GASK1A: variants seen among roughly 807,000 people sequenced by gnomAD.
GASK1A encodes golgi associated kinase 1A.
In GASK1A, 40 loss-of-function variants were observed where a neutral mutation model predicts 41.2. The observed-to-expected ratio is 0.97, with a 90% CI of 0.75 to 1.27. The LOEUF (loss-of-function observed/expected upper bound fraction) is 1.27, where lower values mean the gene tolerates loss of function less well. GASK1A is among the 50% of genes most tolerant of loss of function. The pLI, the probability that GASK1A is intolerant of heterozygous loss-of-function variation, is 0.00. For missense variants in GASK1A, 678 were observed against 745.1 expected (o/e 0.91, Z 1.05); for synonymous variants, 316 against 307.1 (o/e 1.03, Z -0.30).
intron 1 of GASK1A, among the ~76,000 whole-genome samples, chr3:43,008,733 T>C (rs949132497): frequency 2.6e-5 from 4 of 152,184 alleles, no homozygotes; most frequent in African/African-American, 9.7e-5. Flanking sequence ...TCAACTGCAC[T>C]TAGGAGCAGC....
rs1273152175 is a variant in GASK1A at position 42,984,171 on chromosome 3, AT to A, written c.3+4530del. Reference sequence around the variant, plus strand: ...TAGGGAGTTTAGGGCGTGATCCCTCATTTTCTGGATGTGTCTGCACAGGCCT... The same window carrying A: ...TAGGGAGTTTAGGGCGTGATCCCTCATTTCTGGATGTGTCTGCACAGGCCT... On this transcript the variant is annotated intron_variant, in intron 1 of 4. Transcript: ENST00000430121. The surrounding 1 kb of genome is among the most constrained non-coding windows in gnomAD (Gnocchi z 4.2). 6.6e-6 allele frequency among the ~76,000 whole-genome samples: 1 copy of A among 151,462 alleles called. No individual in the cohort carries two copies. The highest frequency in any genetic ancestry group is 1.5e-5 in the Non-Finnish European group (1 of 67,888).
rs756517681 is a variant in GASK1A, at chr3:43,033,250, C to T, written c.987C>T (p.Val329=). The T allele has an allele frequency of 1.3e-6, 2 of 1,551,736 alleles. No individual in the cohort carries two copies. The highest frequency in any genetic ancestry group is 1.2e-5 in the South Asian group (1 of 84,064). ...AGAGGCCTGGGGACCTGCCTGAGGT[C>T]CTGTCCTTCCACGTAGATCGTGTGC... The part of the protein sequence containing the change: ...LIKRPGDLPE[V]LSFHVDRVLG... The change falls in exon 2 of 5, where the codon GTC becomes GTT. Residue 329 remains valine, a synonymous_variant. Coordinates refer to ENST00000430121, the MANE Select transcript of GASK1A (RefSeq NM_001129908.3).
chr3:43,038,579 C>T (rs578102525), intron 2 of GASK1A, among the ~76,000 whole-genome samples: 39 of 126,086 alleles, frequency 3.1e-4, no homozygotes, highest in Admixed American at 2.7e-3. Context: ...TGAAATTCTG[C>T]GAAAAAAAAC....
chr3:43,005,586 A>C (rs1346721850), intron 1 of GASK1A, among the ~76,000 whole-genome samples: 1 of 152,174 alleles, frequency 6.6e-6, no homozygotes, highest in Non-Finnish European at 1.5e-5. Context: ...ATTTTACTTC[A>C]TCATGGCCCA....
At position 43,032,555 on chromosome 3, in the gene GASK1A, A is replaced by AG. The variant is rs1421222902; in HGVS notation, c.293dup (p.Ala99SerfsTer44). On this transcript the variant is annotated frameshift_variant, in exon 2 of 5. Transcript: ENST00000430121. LOFTEE classifies it high-confidence loss of function. The stretch of plus-strand genomic sequence containing the variant: ...GGTCTGTGCTGAGGAGCAAGGCCAT[A>AG]GAGCAAGAGTGGACAGAAGCAGGGA... The AG allele has an allele frequency of 5.2e-5, 80 of 1,549,290 alleles. No homozygotes were observed. Among genetic ancestry groups the AG allele is most frequent in the Non-Finnish European group, 6.6e-5 (76 of 1,145,058 alleles).
chr3:43,018,135 C>G (rs1317361904), intron 1 of GASK1A, among the ~76,000 whole-genome samples: 1 of 152,156 alleles, frequency 6.6e-6, no homozygotes. Context: ...AGATTTCTTC[C>G]CCATGCTTAG....
At chr3:42,996,518 T>C (rs1167952470) in intron 1 of GASK1A, among the ~76,000 whole-genome samples, 1 of 152,180 alleles carries the variant, frequency 6.6e-6, no homozygotes, top group Non-Finnish European at 1.5e-5. Flanking sequence ...TGGACCACCC[T>C]ATGAAGGAGG....
intron 1 of GASK1A, among the ~76,000 whole-genome samples, chr3:43,026,664 T>TA (rs2089548307): frequency 6.6e-6 from 1 of 151,694 alleles, no homozygotes; most frequent in Admixed American, 6.6e-5. Flanking sequence ...AAATATTAGG[T>TA]AAAACACAGT....
At chr3:43,010,849 G>A (rs923757784) in intron 1 of GASK1A, among the ~76,000 whole-genome samples, 1 of 152,148 alleles carries the variant, frequency 6.6e-6, no homozygotes, top group Non-Finnish European at 1.5e-5. Flanking sequence ...CAGAACCTGG[G>A]CAGACAGCCA....
chr3:42,980,447 C>T (rs1001662685), intron 1 of GASK1A, among the ~76,000 whole-genome samples: 1 of 152,218 alleles, frequency 6.6e-6, no homozygotes, highest in Non-Finnish European at 1.5e-5. Context: ...CAACTGGGCT[C>T]CTGCAGTTCA....
At chr3:43,008,509 C>T (rs2089447641) in intron 1 of GASK1A, among the ~76,000 whole-genome samples, 5 of 152,210 alleles carry the variant, frequency 3.3e-5, no homozygotes, top group Admixed American at 2.0e-4. Flanking sequence ...GTACAGGCTT[C>T]CTATCTGATA....
At chr3:43,049,995 A>G (rs1475535559) in intron 2 of GASK1A, among the ~76,000 whole-genome samples, 2 of 149,570 alleles carry the variant, frequency 1.3e-5, no homozygotes, top group African/African-American at 4.9e-5. Context: ...AGTATAGATT[A>G]TAATTATTGC....
At chr3:43,002,193 C>T (rs982755282) in intron 1 of GASK1A, among the ~76,000 whole-genome samples, 1 of 152,120 alleles carries the variant, frequency 6.6e-6, no homozygotes, top group East Asian at 1.9e-4. Flanking sequence ...AACCGACAGT[C>T]GCAGAGGCTG....
intron 1 of GASK1A, among the ~76,000 whole-genome samples, chr3:43,024,327 G>A (rs76739219): frequency 0.13 from 20,259 of 152,130 alleles, 1,791 homozygotes; most frequent in Non-Finnish European, 0.2. Flanking sequence ...TCCGTACTGT[G>A]AAAACCACAG....
intron 2 of GASK1A, chr3:43,037,383 C>G (rs1410889577): frequency 1.0e-5 from 10 of 967,304 alleles, no homozygotes; most frequent in East Asian, 2.4e-5. Context: ...TTGAAATGCA[C>G]TAAGTACAGA....
At chr3:42,997,445 G>GGA in intron 1 of GASK1A, among the ~76,000 whole-genome samples, 1 of 151,536 alleles carries the variant, frequency 6.6e-6, no homozygotes, top group African/African-American at 2.4e-5. Flanking sequence ...AGAGGGGGGG[G>GGA]GGATCTGGGA....
chr3:42,990,402 A>T (rs916584118), intron 1 of GASK1A, among the ~76,000 whole-genome samples: 3 of 151,654 alleles, frequency 2.0e-5, no homozygotes, highest in Non-Finnish European at 4.4e-5. Context: ...ATAACTCCCA[A>T]CCAGCTTCTC....
chr3:43,020,719 T>C (rs1484873018), intron 1 of GASK1A, among the ~76,000 whole-genome samples: 1 of 152,186 alleles, frequency 6.6e-6, no homozygotes, highest in Non-Finnish European at 1.5e-5. Flanking sequence ...CTGGGTTGGC[T>C]CCAGGCTGGA....
At chr3:43,041,002 A>G (rs1217832328) in intron 2 of GASK1A, among the ~76,000 whole-genome samples, 1 of 150,390 alleles carries the variant, frequency 6.6e-6, no homozygotes, top group African/African-American at 2.4e-5. Flanking sequence ...GCGATAGTTT[A>G]CTGAGAATGA....
Sources: allele counts gnomAD v4.1 joint callset (sites outside exome capture counted in the v4.1 genomes callset), GRCh38; gene constraint gnomAD v4.1.1; non-coding constraint Gnocchi (gnomAD v3.1); transcripts MANE v1.5; gene names NCBI Gene and HGNC (gene_info 2026-07-23, HGNC 2026-07-21).